The following STK4 variants were observed in gnomAD, a reference collection of about 807,000 sequenced individuals.
The protein encoded by STK4 is serine/threonine kinase 4.
STK4 carries 30 observed loss-of-function variants against 64.9 expected under a neutral mutation model. The observed-to-expected ratio is 0.46, with a 90% CI of 0.35 to 0.63. STK4 has a LOEUF of 0.63. STK4 is among the 20% of genes least tolerant of loss of function. The pLI, the probability that STK4 is intolerant of heterozygous loss-of-function variation, is 0.01. For synonymous variants in STK4, 177 were observed against 199.0 expected (o/e 0.89, Z 0.93); for missense variants, 466 against 598.5 (o/e 0.78, Z 2.31).
intron 4 of STK4, 111 bp from the exon 5 acceptor site, chr20:44,987,021 G>A (rs1380334080): frequency 5.8e-6 from 5 of 869,508 alleles, no homozygotes; most frequent in African/African-American, 1.7e-5. Context: ...GCTGTTCACA[G>A]GTTGAATAAG....
At chr20:45,061,351 A>G (rs1341161954) in intron 10 of STK4, among the ~76,000 whole-genome samples, 1 of 152,190 alleles carries the variant, frequency 6.6e-6, no homozygotes, top group Non-Finnish European at 1.5e-5. Flanking sequence ...ACCGAATATT[A>G]AATAGAAAAT....
intron 7 of STK4, among the ~76,000 whole-genome samples, chr20:44,998,929 TG>T (rs2067784588): frequency 6.6e-6 from 1 of 151,670 alleles, no homozygotes; most frequent in Non-Finnish European, 1.5e-5. Flanking sequence ...AAAAATGAGC[TG>T]GGCGTGGTGG....
At chr20:45,074,395 T>A (rs909322732) in intron 10 of STK4, among the ~76,000 whole-genome samples, 1 of 152,290 alleles carries the variant, frequency 6.6e-6, no homozygotes, top group Middle Eastern at 3.4e-3. Context: ...CTACCCACCC[T>A]TACCCCAACC....
In STK4 at chr20:45,024,976, G is replaced by A. The variant is rs756224873; in HGVS notation, c.1151G>A (p.Arg384Lys). The change falls in exon 10 of 11, where the codon AGG (arginine) becomes AAG (lysine). Residue 384 changes from arginine to lysine, a missense_variant. Transcript: ENST00000372806. Reference protein sequence around the residue: ...DEEEEGTMKRRDETMQPAKPS... With the variant: ...DEEEEGTMKRKDETMQPAKPS... ...TTTCATTTTTCTTTGTTTTCAGGAA[G>A]GGATGAGACCATGCAGCCTGCGAAA... 3 of 1,557,748 alleles carry A rather than the reference G, an allele frequency of 1.9e-6. No homozygotes were observed. The highest frequency in any genetic ancestry group is 2.6e-6 in the Non-Finnish European group (3 of 1,157,056).
In STK4 at chr20:45,078,869, C is replaced by G. The variant is rs186509849; in HGVS notation, c.*3693C>G. The G allele has an allele frequency of 6.6e-6, 1 of 152,506 alleles. No homozygotes were observed. The highest frequency in any genetic ancestry group is 6.5e-5 in the Admixed American group (1 of 15,292). 9.4% of individuals were successfully genotyped at this position (152,506 alleles called of 1,614,324 possible). On this transcript the variant is annotated 3_prime_UTR_variant, in exon 11 of 11. Coordinates refer to ENST00000372806, the MANE Select transcript of STK4 (RefSeq NM_006282.5). ...ATATCAGGAAGGAGAGAAGCGACAT[C>G]ATGATACATCCTATGGGTATTAAAA...
intron 9 of STK4, among the ~76,000 whole-genome samples, chr20:45,005,412 G>A (rs985132839): frequency 1.3e-5 from 2 of 151,874 alleles, no homozygotes; most frequent in African/African-American, 2.4e-5. Context: ...TTGGGAGGCC[G>A]AGGCAGGCGG....
At chr20:44,978,415 A>T in intron 2 of STK4, 28 bp from the exon 3 acceptor site, 1 of 1,598,818 alleles carries the variant, frequency 6.3e-7, no homozygotes, top group Non-Finnish European at 8.5e-7. Context: ...TTGACTTTAT[A>T]AATGTTCTTC....
chr20:44,966,955 T>G (rs1461281542), intron 1 of STK4, among the ~76,000 whole-genome samples: 6 of 151,768 alleles, frequency 4.0e-5, no homozygotes, highest in Non-Finnish European at 5.9e-5. Context: ...AGGGTGAGAA[T>G]CTGTGAGGGA....
chr20:45,032,148 A>G (rs1460820248), intron 10 of STK4, among the ~76,000 whole-genome samples: 1 of 152,226 alleles, frequency 6.6e-6, no homozygotes, highest in Non-Finnish European at 1.5e-5. Flanking sequence ...CAAAATTGAC[A>G]TTTCAGTTAG....
At chr20:45,034,479 T>A (rs571928940) in intron 10 of STK4, among the ~76,000 whole-genome samples, 2 of 152,336 alleles carry the variant, frequency 1.3e-5, no homozygotes, top group South Asian at 4.1e-4. Context: ...TATGCCATAT[T>A]TACTTCCCAT....
At chr20:45,020,980 T>G (rs2068237669) in intron 9 of STK4, among the ~76,000 whole-genome samples, 1 of 151,904 alleles carries the variant, frequency 6.6e-6, no homozygotes. Flanking sequence ...CCCAGCTAAT[T>G]TTTTTAAAAA....
intron 9 of STK4, among the ~76,000 whole-genome samples, chr20:45,016,181 G>T (rs2068139316): frequency 6.6e-6 from 1 of 152,086 alleles, no homozygotes; most frequent in African/African-American, 2.4e-5. Context: ...AAATTCCTTG[G>T]CAATAAGATG....
At chr20:45,042,593 T>C (rs1416351179) in intron 10 of STK4, among the ~76,000 whole-genome samples, 10 of 152,230 alleles carry the variant, frequency 6.6e-5, no homozygotes, top group Non-Finnish European at 1.2e-4. Context: ...CTTTTGTCTT[T>C]GATAACACAC....
At position 44,966,523 on chromosome 20, in the gene STK4, G is replaced by C. The variant is rs372584607; in HGVS notation, c.-46G>C. 4.8e-6 allele frequency: 6 copies of C among 1,254,256 alleles called. No individual in the cohort carries two copies. The highest frequency in any genetic ancestry group is 4.2e-5 in the Admixed American group (1 of 23,760). The allele number at this position is 1,254,256 out of a possible 1,614,324, so 77.7% of individuals were successfully genotyped here. ...TGCGGGGCGGGCTCAGGAGGTCCGC[G>C]GGAGGATGGAGCAGTGAGCGGGTCT... On this transcript the variant is annotated 5_prime_UTR_variant, in exon 1 of 11. Transcript: ENST00000372806.
At chr20:45,044,337 T>C (rs2068659578) in intron 10 of STK4, among the ~76,000 whole-genome samples, 1 of 152,146 alleles carries the variant, frequency 6.6e-6, no homozygotes, top group Admixed American at 6.5e-5. Flanking sequence ...GATAAAATTA[T>C]TGAACCAGGC....
chr20:44,980,274 A>ATG (rs1032929989), intron 3 of STK4, among the ~76,000 whole-genome samples: 2 of 152,096 alleles, frequency 1.3e-5, no homozygotes, highest in African/African-American at 4.8e-5. Context: ...TTAATATTTA[A>ATG]TGTGTGTGTG....
intron 5 of STK4, among the ~76,000 whole-genome samples, chr20:44,990,536 C>T (rs2067613650): frequency 6.6e-6 from 1 of 152,060 alleles, no homozygotes; most frequent in Non-Finnish European, 1.5e-5. Flanking sequence ...ACCTCCAGTA[C>T]TACTAAGTTT....
chr20:45,003,540 A>G (rs1397103778), intron 9 of STK4, among the ~76,000 whole-genome samples: 2 of 152,152 alleles, frequency 1.3e-5, no homozygotes, highest in Non-Finnish European at 2.9e-5. Flanking sequence ...ATTTGTGAAA[A>G]TGGATAGACT....
At chr20:45,037,070 A>G (rs1048794172) in intron 10 of STK4, among the ~76,000 whole-genome samples, 3 of 152,154 alleles carry the variant, frequency 2.0e-5, no homozygotes, top group Non-Finnish European at 2.9e-5. Flanking sequence ...CCTCTTAACT[A>G]TCTGTACTGT....
Sources: allele counts gnomAD v4.1 joint callset (sites outside exome capture counted in the v4.1 genomes callset), GRCh38; gene constraint gnomAD v4.1.1; transcripts MANE v1.5; gene names NCBI Gene and HGNC (gene_info 2026-07-23, HGNC 2026-07-21).